Variants in SIN3B observed in about 807,000 individuals in gnomAD.
The protein encoded by SIN3B is paired amphipathic helix protein Sin3b.
SIN3B carries 19 observed loss-of-function variants against 120.2 expected under a neutral mutation model. The ratio of observed to expected loss-of-function variants is 0.16; its 90% CI spans 0.11 to 0.23. The LOEUF is 0.23. Among genes scored for constraint, SIN3B ranks in the 10% least tolerant of loss-of-function variants. The pLI, the probability that SIN3B is intolerant of heterozygous loss-of-function variation, is 1.00. For synonymous variants in SIN3B, 654 were observed against 653.2 expected, an observed-to-expected ratio of 1.00 and a Z score of -0.02; for missense variants, 1,073 against 1,573.0, an observed-to-expected ratio of 0.68 and a Z score of 5.38.
At chr19:16,867,493 C>T (rs763587284) in intron 12 of SIN3B, among the ~76,000 whole-genome samples, 3 of 152,072 alleles carry the variant, frequency 2.0e-5, no homozygotes, top group Admixed American at 6.5e-5. Context: ...GGCAGGGTGC[C>T]GGGCGTGGTG....
chr19:16,845,617 GA>G (rs1249771456), intron 4 of SIN3B, among the ~76,000 whole-genome samples: 1 of 152,204 alleles, frequency 6.6e-6, no homozygotes, highest in Non-Finnish European at 1.5e-5. Context: ...ACCCTCATCG[GA>G]AATCCTAGCC....
At chr19:16,860,768 AT>A (rs1259548282) in intron 8 of SIN3B, among the ~76,000 whole-genome samples, 8 of 148,044 alleles carry the variant, frequency 5.4e-5, no homozygotes, top group Non-Finnish European at 7.5e-5. Context: ...CGCCCAGCTA[AT>A]TTTTTTTTTG....
intron 1 of SIN3B, 36 bp from the exon 2 acceptor site, chr19:16,829,755 G>C: frequency 1.9e-6 from 3 of 1,557,646 alleles, no homozygotes; most frequent in South Asian, 1.1e-5. Flanking sequence ...CTCGTTCCGC[G>C]GCCAGGGCCC....
At chr19:16,866,945 T>C (rs1413960478) in intron 12 of SIN3B, among the ~76,000 whole-genome samples, 1 of 152,116 alleles carries the variant, frequency 6.6e-6, no homozygotes, top group Non-Finnish European at 1.5e-5. Flanking sequence ...TTAGTAGAGA[T>C]GGGTTTTCAC....
chr19:16,870,106 G>C, intron 13 of SIN3B, 31 bp downstream of exon 13: 1 of 1,530,692 alleles, frequency 6.5e-7, no homozygotes, highest in Non-Finnish European at 8.8e-7. Context: ...GGGAGGCCCC[G>C]GGGGGTGCCT....
Position 16,862,735 on chromosome 19 carries a change from T to A in SIN3B, c.1266+176T>A. The A allele has an allele frequency of 1.1e-6, 1 of 950,740 alleles. No homozygotes were observed. The highest frequency in any genetic ancestry group is 2.4e-5 in the East Asian group (1 of 41,730). 58.9% of individuals were successfully genotyped at this position (950,740 alleles called of 1,614,324 possible). The stretch of plus-strand genomic sequence containing the variant: ...AAAACCACCTGAGCAGAGACAACAG[T>A]GTTGTACCCTGCTGGTAGTTTTGGC... On this transcript the variant is annotated intron_variant, in intron 9 of 18. Coordinates refer to ENST00000248054, the MANE Select transcript of SIN3B (RefSeq NM_001297595.2). The surrounding 1 kb of genome is among the most constrained non-coding windows in gnomAD (Gnocchi z 4.7).
chr19:16,829,470 C>G lies in SIN3B; in HGVS notation c.50C>G (p.Ala17Gly). Residue 17 changes from alanine to glycine, a missense_variant, in exon 1 of 19, where the codon GCG becomes GGG. Ala to Gly is a moderately conservative substitution (Grantham distance 60). Transcript: ENST00000248054. The stretch of plus-strand genomic sequence containing the variant: ...GGTGGCAGCGGTGCCGGCGGCCCCG[C>G]GGGCCGGGGGCTGAGCGGCGCCCGC... ...GSGGSGAGGPAGRGLSGARWG... is the reference protein window; with the variant it reads ...GSGGSGAGGPGGRGLSGARWG... 8.2e-7 allele frequency: 1 copy of G among 1,217,424 alleles called. No individual in the cohort carries two copies. Among genetic ancestry groups the G allele is most frequent in the Non-Finnish European group, 1.0e-6 (1 of 978,544 alleles). The allele number at this position is 1,217,424 out of a possible 1,614,324, so 75.4% of individuals were successfully genotyped here.
rs779617659 is a variant in SIN3B, at chr19:16,878,583, G to A, written c.3249G>A (p.Ala1083=). The part of the protein sequence containing the change: ...RWLEDNVTVE[A]ASLVQDWLMG... ...TGGAGGACAATGTGACGGTGGAGGC[G>A]GCTAGCCTGGTGCAGGACTGGCTGA... Residue 1083 remains alanine, a synonymous_variant, in exon 19 of 19, where the codon GCG becomes GCA. Transcript: ENST00000248054. The A allele has an allele frequency of 2.6e-5, 42 of 1,610,486 alleles. No homozygotes were observed. Among genetic ancestry groups the A allele is most frequent in the African/African-American group, 9.3e-5 (7 of 74,880 alleles).
chr19:16,836,908 A>C (rs1431400918), intron 3 of SIN3B, among the ~76,000 whole-genome samples: 2 of 152,158 alleles, frequency 1.3e-5, no homozygotes, highest in African/African-American at 4.8e-5. Context: ...TTCTTGGCTC[A>C]TGGAGCAGGC....
rs780635922 is a variant in SIN3B at position 16,853,047 on chromosome 19, T to C, written c.850-22T>C. 7.5e-6 allele frequency: 12 copies of C among 1,608,020 alleles called. No homozygotes were observed. In the South Asian group the frequency reaches 1.2e-4, roughly 16 times the overall value. On this transcript the variant is annotated intron_variant, in intron 6 of 18. Transcript: ENST00000248054. ...CACCGGTGGGAGGCACAGTGTTAAC[T>C]GCATAGAATTTCTCCCCACAGAAAA...
chr19:16,841,879 G>A lies in SIN3B; in HGVS notation c.493G>A (p.Ala165Thr). Residue 165 changes from alanine (A) to threonine (T), a missense_variant, in exon 4 of 19, where the codon GCC becomes ACC. By Grantham distance (58) the Ala-to-Thr change is moderately conservative. Transcript: ENST00000248054. ...GTCCGATTCCGTGGAATTCAACAAC[G>A]CCATCAGCTATGTGAATAAGATTAA... Reference protein sequence around the residue: ...LESDSVEFNNAISYVNKIKTR... With the variant: ...LESDSVEFNNTISYVNKIKTR... 6.2e-7 allele frequency: 1 copy of A among 1,614,000 alleles called. No individual in the cohort carries two copies. Among genetic ancestry groups the A allele is most frequent in the Non-Finnish European group, 8.5e-7 (1 of 1,179,986 alleles).
chr19:16,878,164 C>T lies in SIN3B; in HGVS notation c.2955-19C>T. 8 of 1,539,702 alleles carry T rather than the reference C, an allele frequency of 5.2e-6. No individual in the cohort carries two copies. The highest frequency in any genetic ancestry group is 1.2e-5 in the South Asian group (1 of 82,754). On this transcript the variant is annotated intron_variant, in intron 17 of 18. Transcript: ENST00000248054. ...CAATGCCGAGAGCCAGAGTCCATTC[C>T]ACCTCCTTTCGCCCCCAGGAACCTC...
chr19:16,851,573 G>T, intron 6 of SIN3B, 39 bp downstream of exon 6: 2 of 1,535,892 alleles, frequency 1.3e-6, no homozygotes, highest in East Asian at 2.4e-5. Context: ...TGCACGCGGG[G>T]CCCCCAGCAA....
chr19:16,859,924 G>A (rs770128352), intron 8 of SIN3B, among the ~76,000 whole-genome samples: 3 of 152,184 alleles, frequency 2.0e-5, no homozygotes, highest in Non-Finnish European at 4.4e-5. Flanking sequence ...CTAGCCAAGC[G>A]AGCCTCAGTG....
intron 3 of SIN3B, among the ~76,000 whole-genome samples, chr19:16,833,585 T>C (rs906952467): frequency 6.6e-6 from 1 of 150,710 alleles, no homozygotes; most frequent in Non-Finnish European, 1.5e-5. Context: ...TGAGCAGAGA[T>C]TGTGCCACTG....
At position 16,877,642 on chromosome 19, in the gene SIN3B, A is replaced by C; in HGVS notation, c.2954+3A>C. The C allele has an allele frequency of 6.3e-7, 1 of 1,594,580 alleles. No individual in the cohort carries two copies. On this transcript the variant is annotated splice_donor_region_variant and intron_variant, in intron 17 of 18. Transcript: ENST00000248054. ...CTGAAACCTGTGTTCCTGCAGAGGT[A>C]AGAGGCCCTGAGATGCATGCTCTGT...
intron 4 of SIN3B, among the ~76,000 whole-genome samples, chr19:16,844,667 A>T (rs1971458232): frequency 6.6e-6 from 1 of 152,240 alleles, no homozygotes; most frequent in Non-Finnish European, 1.5e-5. Flanking sequence ...TATGACATTC[A>T]AAAACTTCCT....
chr19:16,832,639 T>G (rs1050566545), intron 3 of SIN3B, among the ~76,000 whole-genome samples: 3 of 151,830 alleles, frequency 2.0e-5, no homozygotes, highest in African/African-American at 7.3e-5. Flanking sequence ...TAGCTAGGAC[T>G]ACAGGCGTGC....
At chr19:16,869,006 G>A (rs1259270097) in intron 12 of SIN3B, among the ~76,000 whole-genome samples, 4 of 152,174 alleles carry the variant, frequency 2.6e-5, no homozygotes, top group Non-Finnish European at 4.4e-5. Context: ...CGATAGCATG[G>A]TGTGGGCAGC....
Sources: allele counts gnomAD v4.1 joint callset (sites outside exome capture counted in the v4.1 genomes callset), GRCh38; gene constraint gnomAD v4.1.1; non-coding constraint Gnocchi (gnomAD v3.1); transcripts MANE v1.5; gene names NCBI Gene and HGNC (gene_info 2026-07-23, HGNC 2026-07-21).